Variants in STAG1 observed in about 807,000 individuals in gnomAD.
STAG1 encodes STAG1 cohesin complex component.
A neutral mutation model predicts 170.9 loss-of-function variants in STAG1; 26 were observed. That is an observed-to-expected ratio of 0.15 (90% confidence interval 0.11 to 0.21). The LOEUF is 0.21. Among genes scored for constraint, STAG1 ranks in the 10% least tolerant of loss-of-function variants. The pLI is 1.00. For synonymous variants in STAG1, 514 were observed against 497.7 expected (o/e 1.03, Z -0.44); for missense variants, 964 against 1,509.5 (o/e 0.64, Z 5.99).
At chr3:136,580,175 G>A (rs951011402) in intron 4 of STAG1, among the ~76,000 whole-genome samples, 2 of 151,836 alleles carry the variant, frequency 1.3e-5, no homozygotes, top group African/African-American at 2.4e-5. Context: ...CATCATGTTG[G>A]CCAGGATGGT....
chr3:136,439,368 T>G, intron 15 of STAG1, among the ~76,000 whole-genome samples: 1 of 149,244 alleles, frequency 6.7e-6, no homozygotes, highest in South Asian at 2.1e-4. Flanking sequence ...AGCAACTTGA[T>G]TTTGCTGTAA....
intron 25 of STAG1, among the ~76,000 whole-genome samples, chr3:136,365,834 T>G (rs560907950): frequency 1.1e-4 from 17 of 152,146 alleles, no homozygotes; most frequent in African/African-American, 3.6e-4. Flanking sequence ...AATAATTAGT[T>G]TGACAAGTTC....
chr3:136,575,950 G>T (rs571739805), intron 4 of STAG1, among the ~76,000 whole-genome samples: 134 of 152,282 alleles, frequency 8.8e-4, no homozygotes, highest in African/African-American at 3.2e-3. Context: ...ATAACTTTTG[G>T]TAGATAGCAA....
intron 4 of STAG1, among the ~76,000 whole-genome samples, chr3:136,580,963 T>C (rs1487883777): frequency 6.6e-6 from 1 of 152,236 alleles, no homozygotes; most frequent in Non-Finnish European, 1.5e-5. Context: ...TTTTCTTTTT[T>C]TTCAAGTTGT....
At chr3:136,674,477 T>C (rs1942075410) in intron 1 of STAG1, among the ~76,000 whole-genome samples, 1 of 152,114 alleles carries the variant, frequency 6.6e-6, no homozygotes. Flanking sequence ...GAAGCAGAAC[T>C]GTGGTTGCCT....
At chr3:136,357,916 A>C in intron 27 of STAG1, 68 bp from the exon 28 acceptor site, 1 of 1,342,848 alleles carries the variant, frequency 7.4e-7, no homozygotes. Flanking sequence ...CTAACATTAC[A>C]CAAATATTTG....
intron 1 of STAG1, among the ~76,000 whole-genome samples, chr3:136,679,771 G>A (rs994145058): frequency 6.6e-6 from 1 of 150,834 alleles, no homozygotes; most frequent in Non-Finnish European, 1.5e-5. Flanking sequence ...GCATGGTGGT[G>A]CACGCCTGTA....
chr3:136,357,621 CAAGAGTA>C (rs1353306846), intron 28 of STAG1, 92 bp downstream of exon 28: 8 of 896,946 alleles, frequency 8.9e-6, no homozygotes, highest in Non-Finnish European at 1.3e-5. Context: ...CCTAAATTAT[CAAGAGTA>C]AAGATATCCA....
intron 6 of STAG1, 76 bp from the exon 7 acceptor site, chr3:136,521,493 T>C: frequency 7.6e-7 from 1 of 1,308,320 alleles, no homozygotes. Flanking sequence ...TCTTCCTACC[T>C]ACATAGGAAC....
intron 22 of STAG1, among the ~76,000 whole-genome samples, chr3:136,386,884 C>T (rs1315194280): frequency 6.6e-6 from 1 of 152,122 alleles, no homozygotes; most frequent in Admixed American, 6.5e-5. Context: ...ACACATAAAA[C>T]TTTAGCTCAA....
intron 7 of STAG1, among the ~76,000 whole-genome samples, chr3:136,510,383 T>G (rs1358078100): frequency 4.0e-5 from 6 of 149,772 alleles, no homozygotes; most frequent in African/African-American, 1.5e-4. Context: ...CCCGCCTCCC[T>G]GGTTCAAGTG....
intron 6 of STAG1, among the ~76,000 whole-genome samples, chr3:136,538,514 A>G (rs1576583754): frequency 6.6e-6 from 1 of 151,432 alleles, no homozygotes. Flanking sequence ...CACCTCCCAG[A>G]TTCAAGCGAT....
intron 9 of STAG1, among the ~76,000 whole-genome samples, chr3:136,495,324 A>C (rs907691561): frequency 4.6e-5 from 7 of 152,246 alleles, no homozygotes; most frequent in Non-Finnish European, 1.0e-4. Flanking sequence ...ATATGCCTTA[A>C]TAGAAGAGAC....
intron 25 of STAG1, 88 bp from the exon 26 acceptor site, chr3:136,363,555 GAA>G (rs57329112): frequency 0.019 from 5,385 of 279,744 alleles, no homozygotes; most frequent in South Asian, 0.024. Context: ...CTTTGAAAAT[GAA>G]AAAAAAAAAA....
intron 1 of STAG1, among the ~76,000 whole-genome samples, chr3:136,697,002 A>G (rs1942913941): frequency 6.6e-6 from 1 of 152,180 alleles, no homozygotes; most frequent in Non-Finnish European, 1.5e-5. Flanking sequence ...TTTGAATTTT[A>G]CCGTATGTAA....
At chr3:136,405,258 T>TTTTTTTTTTTTTTTTTTC (rs1560091864) in intron 21 of STAG1, among the ~76,000 whole-genome samples, 6 of 115,616 alleles carry the variant, frequency 5.2e-5, no homozygotes, top group African/African-American at 1.7e-4. Context: ...TTTTTTTTTT[T>TTTTTTTTTTTTTTTTTTC]TCAGACGAAG....
At chr3:136,624,986 ATAAGT>A (rs1291845802) in intron 2 of STAG1, among the ~76,000 whole-genome samples, 10 of 152,328 alleles carry the variant, frequency 6.6e-5, no homozygotes, top group African/African-American at 1.2e-4. Context: ...TTAAGCTTAT[ATAAGT>A]TAACTTTTTA....
intron 9 of STAG1, among the ~76,000 whole-genome samples, chr3:136,478,600 A>AAAT (rs899168575): frequency 8.5e-4 from 129 of 152,308 alleles, no homozygotes; most frequent in African/African-American, 2.9e-3. Flanking sequence ...ATTTTAGCTA[A>AAAT]AATTTTAATG....
At chr3:136,694,248 T>C (rs1279501346) in intron 1 of STAG1, among the ~76,000 whole-genome samples, 1 of 152,052 alleles carries the variant, frequency 6.6e-6, no homozygotes, top group Non-Finnish European at 1.5e-5. Context: ...TGGAGACAGG[T>C]CTCACAGGGG....
Sources: allele counts gnomAD v4.1 joint callset (sites outside exome capture counted in the v4.1 genomes callset), GRCh38; gene constraint gnomAD v4.1.1; transcripts MANE v1.5; gene names NCBI Gene and HGNC (gene_info 2026-07-23, HGNC 2026-07-21).